SYN3: variants seen among roughly 807,000 people sequenced by gnomAD.
The protein encoded by SYN3 is synapsin-3.
In SYN3, 35 loss-of-function variants were observed where a neutral mutation model predicts 65.8. That is an observed-to-expected ratio of 0.53 (90% CI 0.41 to 0.70). The LOEUF (loss-of-function observed/expected upper bound fraction) is 0.70. Ranked by LOEUF, SYN3 falls within the 30% of genes least tolerant of loss-of-function variation. The pLI is 0.00. For synonymous variants in SYN3, 270 were observed against 292.9 expected, an observed-to-expected ratio of 0.92 and a Z score of 0.80; for missense variants, 680 against 749.0, an observed-to-expected ratio of 0.91 and a Z score of 1.08.
rs143580549 is a variant in SYN3, at chr22:32,570,806, C to T, written c.774+25868G>A. Among the ~76,000 whole-genome samples the T allele has an allele frequency of 2.6e-3, 393 of 152,224 alleles. 1 individual carries two copies. Among genetic ancestry groups the T allele is most frequent in the Non-Finnish European group, 4.8e-3 (326 of 68,026 alleles). ...ACACTGGCTTCAAGCCTGCTCAGCA[C>T]TGGGATGCTGACTTCTCTCTACCAG... On this transcript the variant is annotated intron_variant, in intron 7 of 13. Coordinates refer to ENST00000358763, the MANE Select transcript of SYN3 (RefSeq NM_003490.4).
intron 3 of SYN3, among the ~76,000 whole-genome samples, chr22:32,963,026 G>A (rs1430058708): frequency 2.7e-5 from 4 of 150,338 alleles, no homozygotes; most frequent in Admixed American, 1.3e-4. Flanking sequence ...TATAGAGAGA[G>A]GGATAAATGG....
At chr22:32,665,982 C>T (rs2147036346) in intron 6 of SYN3, among the ~76,000 whole-genome samples, 1 of 152,276 alleles carries the variant, frequency 6.6e-6, no homozygotes, top group Non-Finnish European at 1.5e-5. Context: ...CCTTGAATCT[C>T]TCCCCCAGCT....
At chr22:32,589,720 A>C (rs936889940) in intron 7 of SYN3, among the ~76,000 whole-genome samples, 1 of 152,152 alleles carries the variant, frequency 6.6e-6, no homozygotes, top group Non-Finnish European at 1.5e-5. Context: ...GAATCGGTCT[A>C]ATCTATCTTC....
At chr22:32,859,342 C>T (rs1337907303) in intron 6 of SYN3, 3 of 1,613,164 alleles carry the variant, frequency 1.9e-6, no homozygotes, top group South Asian at 1.1e-5. Context: ...ATGGGCCCCC[C>T]CGGATAAAAG....
At chr22:32,689,515 T>C (rs914355139) in intron 6 of SYN3, among the ~76,000 whole-genome samples, 26 of 152,230 alleles carry the variant, frequency 1.7e-4, no homozygotes, top group African/African-American at 6.3e-4. Context: ...ACTCTGGCCC[T>C]GAGTTTGCTC....
At chr22:32,923,371 A>C (rs2050384207) in intron 4 of SYN3, among the ~76,000 whole-genome samples, 1 of 152,140 alleles carries the variant, frequency 6.6e-6, no homozygotes, top group Non-Finnish European at 1.5e-5. Flanking sequence ...TGATGAGCCT[A>C]CTGATTCCAA....
At chr22:33,009,288 C>T (rs133949) in intron 1 of SYN3, among the ~76,000 whole-genome samples, 67,920 of 151,948 alleles carry the variant, frequency 0.45, 15,475 homozygotes, top group Middle Eastern at 0.54. Flanking sequence ...ATTTGGTTGT[C>T]GTCGTTTTCA....
At chr22:32,517,987 G>A in intron 13 of SYN3, 56 bp downstream of exon 13, 2 of 1,404,126 alleles carry the variant, frequency 1.4e-6, no homozygotes, top group East Asian at 2.5e-5. Context: ...AATCAGCCAA[G>A]CTCTGCCTAC....
At chr22:32,553,826 C>T (rs75564739) in intron 7 of SYN3, among the ~76,000 whole-genome samples, 1 of 152,144 alleles carries the variant, frequency 6.6e-6, no homozygotes, top group South Asian at 2.1e-4. Flanking sequence ...TGGGGTTGGC[C>T]CACATCCCAG....
At chr22:32,712,183 T>G (rs2060975043) in intron 6 of SYN3, among the ~76,000 whole-genome samples, 1 of 152,234 alleles carries the variant, frequency 6.6e-6, no homozygotes, top group Non-Finnish European at 1.5e-5. Flanking sequence ...TTTAGTTTTC[T>G]CATGGCCACA....
Position 32,954,655 on chromosome 22 carries a change from C to A in SYN3, c.370-23174G>T, listed in dbSNP as rs2051392811. Among the ~76,000 whole-genome samples the A allele has an allele frequency of 2.0e-5, 3 of 152,074 alleles. No homozygotes were observed. In the South Asian group the frequency reaches 6.2e-4, roughly 32 times the overall value. On this transcript the variant is annotated intron_variant, in intron 3 of 13. Coordinates refer to ENST00000358763, the MANE Select transcript of SYN3 (RefSeq NM_003490.4). ...TGGAAGCACAGTCCATTGTTGGGGGCTAACACTCAGTAGTACCACAGATGA... is the reference window on the plus strand; with the variant it reads ...TGGAAGCACAGTCCATTGTTGGGGGATAACACTCAGTAGTACCACAGATGA...
At chr22:32,536,712 A>G (rs929472149) in intron 9 of SYN3, among the ~76,000 whole-genome samples, 1 of 152,194 alleles carries the variant, frequency 6.6e-6, no homozygotes, top group Admixed American at 6.5e-5. Context: ...TGAACCTGAC[A>G]CTGTGAGGAT....
chr22:33,054,402 A>G (rs1215643263), intron 1 of SYN3, among the ~76,000 whole-genome samples: 1 of 152,168 alleles, frequency 6.6e-6, no homozygotes, highest in Non-Finnish European at 1.5e-5. Flanking sequence ...TTGTTTTTTT[A>G]ATTAGGTGAA....
chr22:32,672,972 C>A (rs1001382236), intron 6 of SYN3, among the ~76,000 whole-genome samples: 1 of 152,178 alleles, frequency 6.6e-6, no homozygotes, highest in Non-Finnish European at 1.5e-5. Context: ...AGGGCTGGCA[C>A]CTGGTTAGGA....
chr22:32,587,740 T>C (rs111441710), intron 7 of SYN3, among the ~76,000 whole-genome samples: 1 of 152,134 alleles, frequency 6.6e-6, no homozygotes, highest in African/African-American at 2.4e-5. Flanking sequence ...GTGTGCAAGA[T>C]GCTGGCGCTG....
At chr22:33,041,039 C>T (rs571129462) in intron 1 of SYN3, among the ~76,000 whole-genome samples, 29 of 151,776 alleles carry the variant, frequency 1.9e-4, no homozygotes, top group Admixed American at 1.8e-3. Flanking sequence ...CTCAGCCTCC[C>T]GAGTAGCTGG....
intron 1 of SYN3, among the ~76,000 whole-genome samples, chr22:33,035,338 C>T (rs1034739094): frequency 1.2e-5 from 1 of 81,066 alleles, no homozygotes; most frequent in Non-Finnish European, 2.6e-5. Context: ...GGACCCCCCC[C>T]CCCCCCGCCA....
rs1032391787 is a variant in SYN3, at chr22:32,801,278, G to A, written c.711+63637C>T. Among the ~76,000 whole-genome samples, 2 of 152,234 alleles carry A rather than the reference G, an allele frequency of 1.3e-5. No homozygotes were observed. Among genetic ancestry groups the A allele is most frequent in the African/African-American group, 4.8e-5 (2 of 41,476 alleles). On this transcript the variant is annotated intron_variant, in intron 6 of 13. Transcript: ENST00000358763. This position sits in a 1 kb window ranked among gnomAD's most constrained non-coding sequence, Gnocchi z 4.7. ...AGCATTCCCCCGCTGGTTCCACCAA[G>A]CACAGTCAAGGTCTCTAGGACATGG...
intron 4 of SYN3, among the ~76,000 whole-genome samples, chr22:32,909,216 C>A (rs994670753): frequency 2.0e-5 from 3 of 152,202 alleles, no homozygotes; most frequent in Admixed American, 2.0e-4. Context: ...CACCTCTGTT[C>A]TCTTCTGGCT....
Sources: gnomAD v4.1 joint callset for allele counts (sites outside exome capture counted in the v4.1 genomes callset) on GRCh38, gnomAD v4.1.1 for gene constraint, Gnocchi (gnomAD v3.1) non-coding constraint, MANE v1.5 for transcripts, NCBI Gene and HGNC (gene_info 2026-07-23, HGNC 2026-07-21) for gene names.